TMC1: variants seen among roughly 807,000 people sequenced by gnomAD.
The protein encoded by TMC1 is transmembrane channel-like protein 1.
Under a neutral mutation model 105.8 loss-of-function variants are expected in TMC1, and 84 were observed. That is an observed-to-expected ratio of 0.79 (90% CI 0.67 to 0.95). The LOEUF is 0.95. Among genes scored for constraint, TMC1 ranks in the 40% least tolerant of loss-of-function variants. The pLI, the probability that TMC1 is intolerant of heterozygous loss-of-function variation, is 0.00. For synonymous variants in TMC1, 315 were observed against 311.5 expected (o/e 1.01, Z -0.12); for missense variants, 817 against 914.1 (o/e 0.89, Z 1.37).
At chr9:72,586,132 TG>T (rs749773608) in intron 2 of TMC1, among the ~76,000 whole-genome samples, 20 of 152,190 alleles carry the variant, frequency 1.3e-4, no homozygotes, top group Non-Finnish European at 2.8e-4. Flanking sequence ...TTTAATAAAA[TG>T]GTTCTAATTA....
intron 18 of TMC1, among the ~76,000 whole-genome samples, chr9:72,806,262 G>A (rs1211763282): frequency 2.5e-4 from 38 of 149,776 alleles, no homozygotes; most frequent in African/African-American, 8.8e-4. Flanking sequence ...GCGGCTGGCC[G>A]GGCAGAGGGG....
At chr9:72,549,601 T>G (rs1473841757) in intron 1 of TMC1, among the ~76,000 whole-genome samples, 1 of 139,544 alleles carries the variant, frequency 7.2e-6, no homozygotes, top group Non-Finnish European at 1.5e-5. Context: ...TACCACCACA[T>G]CTGGCTATTT....
At chr9:72,593,395 TC>T (rs905302642) in intron 2 of TMC1, among the ~76,000 whole-genome samples, 85 of 152,104 alleles carry the variant, frequency 5.6e-4, no homozygotes, top group African/African-American at 2.0e-3. Flanking sequence ...TCTTTTCTTT[TC>T]TTTTTTTCTT....
chr9:72,560,155 A>G (rs1215533525), intron 1 of TMC1, among the ~76,000 whole-genome samples: 1 of 152,218 alleles, frequency 6.6e-6, no homozygotes, highest in African/African-American at 2.4e-5. Context: ...CATTATCCCA[A>G]TATCCCCAAC....
chr9:72,622,428 G>T (rs1461373719), intron 3 of TMC1, among the ~76,000 whole-genome samples: 1 of 152,202 alleles, frequency 6.6e-6, no homozygotes, highest in Non-Finnish European at 1.5e-5. Context: ...CAGCCTTGGG[G>T]CAAGGAGGGC....
intron 1 of TMC1, among the ~76,000 whole-genome samples, chr9:72,523,470 T>C (rs1823349987): frequency 6.6e-6 from 1 of 152,200 alleles, no homozygotes; most frequent in South Asian, 2.1e-4. Flanking sequence ...GTTTTATGTA[T>C]TATACACTGT....
chr9:72,788,541 C>G lies in TMC1; in HGVS notation c.1029+58C>G, dbSNP rs550207908. The stretch of plus-strand genomic sequence containing the variant: ...GTATTTCTAAGAGTAAAATTGGAGG[C>G]ATTCCATCTGGTCCAGTAGTGCAGT... On this transcript the variant is annotated intron_variant, in intron 14 of 23. Coordinates refer to ENST00000297784, the MANE Select transcript of TMC1 (RefSeq NM_138691.3). The G allele has an allele frequency of 1.5e-5, 23 of 1,566,782 alleles. No individual in the cohort carries two copies. In the Admixed American group the frequency reaches 1.8e-4, roughly 13 times the overall value.
intron 10 of TMC1, among the ~76,000 whole-genome samples, chr9:72,744,264 G>A (rs935732493): frequency 1.2e-4 from 18 of 151,964 alleles, no homozygotes; most frequent in African/African-American, 4.4e-4. Flanking sequence ...TTAATTTTTT[G>A]ATGTAATCTT....
chr9:72,774,047 C>T (rs1282610584), intron 13 of TMC1, among the ~76,000 whole-genome samples: 3 of 151,956 alleles, frequency 2.0e-5, no homozygotes, highest in Non-Finnish European at 4.4e-5. Context: ...TTTTATTAGG[C>T]TATATTATAT....
chr9:72,740,225 G>A lies in TMC1; in HGVS notation c.453+16G>A, dbSNP rs777928804. 1.2e-6 allele frequency: 2 copies of A among 1,608,512 alleles called. No homozygotes were observed. Among genetic ancestry groups the A allele is most frequent in the East Asian group, 4.5e-5 (2 of 44,722 alleles). The stretch of plus-strand genomic sequence containing the variant: ...GATGGCCAAGGTAGGTATTTTTATA[G>A]TTGTCTGGTTTATGGCATATTGCCT... On this transcript the variant is annotated intron_variant, in intron 9 of 23. Coordinates refer to ENST00000297784, the MANE Select transcript of TMC1 (RefSeq NM_138691.3).
At position 72,751,895 on chromosome 9, in the gene TMC1, G is replaced by A. The variant is rs865985561; in HGVS notation, c.581G>A (p.Trp194Ter). The A allele has an allele frequency of 1.2e-6, 2 of 1,613,578 alleles. No homozygotes were observed. Among genetic ancestry groups the A allele is most frequent in the African/African-American group, 1.3e-5 (1 of 74,894 alleles). ...SVASYFLFLR[W>*]MYGVNMVLFI... is the part of the protein sequence containing the mutation. ...GCCTCATACTTCCTCTTCTTGAGATGGATGTATGGAGTCAATATGGTTCTC... is the reference window on the plus strand; with the variant it reads ...GCCTCATACTTCCTCTTCTTGAGATAGATGTATGGAGTCAATATGGTTCTC... The change falls in exon 11 of 24, where the codon TGG (tryptophan) becomes TAG (stop). Residue 194 changes from tryptophan to a stop codon, truncating the protein, a stop_gained. Transcript: ENST00000297784. LOFTEE classifies it high-confidence loss of function.
intron 4 of TMC1, among the ~76,000 whole-genome samples, chr9:72,642,998 T>TACAG: frequency 6.6e-6 from 1 of 152,350 alleles, no homozygotes; most frequent in East Asian, 1.9e-4. Context: ...GTATGTAGCC[T>TACAG]TTTGAGACAG....
intron 5 of TMC1, among the ~76,000 whole-genome samples, chr9:72,686,228 G>T (rs968013618): frequency 1.3e-5 from 2 of 152,128 alleles, no homozygotes; most frequent in African/African-American, 4.8e-5. Flanking sequence ...CTCTCCAGGA[G>T]ACAAGGTTAT....
intron 17 of TMC1, among the ~76,000 whole-genome samples, chr9:72,802,795 G>A (rs1588090680): frequency 6.6e-6 from 1 of 152,006 alleles, no homozygotes; most frequent in South Asian, 2.1e-4. Flanking sequence ...TTGTGAAAAC[G>A]GCCATACTGC....
At chr9:72,592,321 A>G (rs1163023975) in intron 2 of TMC1, among the ~76,000 whole-genome samples, 1 of 152,238 alleles carries the variant, frequency 6.6e-6, no homozygotes, top group African/African-American at 2.4e-5. Flanking sequence ...GGAACCTGGA[A>G]GGGAAGATCA....
intron 1 of TMC1, among the ~76,000 whole-genome samples, chr9:72,528,941 T>C (rs907794630): frequency 2.6e-5 from 4 of 152,172 alleles, no homozygotes; most frequent in Admixed American, 2.6e-4. Context: ...TGTGTCTGTA[T>C]TGAACATGTA....
rs141930290 is a variant in TMC1, at chr9:72,740,398, G to A, written c.453+189G>A. On this transcript the variant is annotated intron_variant, in intron 9 of 23. Transcript: ENST00000297784. ...GATTTAAAAAATTGTTCTTAGAAGAGTTAAAATGAAAAATAAGTCAAGAAA... is the reference window on the plus strand; with the variant it reads ...GATTTAAAAAATTGTTCTTAGAAGAATTAAAATGAAAAATAAGTCAAGAAA... Among the ~76,000 whole-genome samples, 449 of 152,254 alleles carry A rather than the reference G, an allele frequency of 2.9e-3. No homozygotes were observed. Among genetic ancestry groups the A allele is most frequent in the African/African-American group, 0.01 (418 of 41,566 alleles).
intron 2 of TMC1, among the ~76,000 whole-genome samples, chr9:72,593,245 A>G (rs986638442): frequency 7.2e-5 from 11 of 152,330 alleles, no homozygotes; most frequent in Middle Eastern, 6.8e-3. Context: ...AAACAGAAAC[A>G]GGCAAAAATC....
chr9:72,644,223 C>T (rs925484141), intron 4 of TMC1, among the ~76,000 whole-genome samples: 2 of 151,690 alleles, frequency 1.3e-5, no homozygotes, highest in South Asian at 4.1e-4. Flanking sequence ...CTGTGATTGT[C>T]TTTTCATTCT....
Sources: gnomAD v4.1 joint callset for allele counts (sites outside exome capture counted in the v4.1 genomes callset) on GRCh38, gnomAD v4.1.1 for gene constraint, MANE v1.5 for transcripts, NCBI Gene and HGNC (gene_info 2026-07-23, HGNC 2026-07-21) for gene names.